The following SCN7A variants were observed in gnomAD, a reference collection of about 807,000 sequenced individuals.
The protein encoded by SCN7A is sodium channel protein type 7 subunit alpha.
In SCN7A, 138 loss-of-function variants were observed where a neutral mutation model predicts 155.2. The observed-to-expected ratio is 0.89, with a 90% confidence interval of 0.77 to 1.02. The LOEUF (loss-of-function observed/expected upper bound fraction) is 1.02, where lower values mean the gene tolerates loss of function less well. SCN7A is among the 50% of genes least tolerant of loss of function. The pLI is 0.00. For missense variants in SCN7A, 2,058 were observed against 1,986.6 expected (o/e 1.04, Z -0.68); for synonymous variants, 693 against 649.0 (o/e 1.07, Z -1.03).
chr2:166,490,312 A>C (rs1575073251), intron 1 of SCN7A, among the ~76,000 whole-genome samples: 2 of 151,954 alleles, frequency 1.3e-5, no homozygotes, highest in African/African-American at 2.4e-5. Context: ...ACCTCCAAAA[A>C]TTTGTCTTTC....
chr2:166,441,594 A>G lies in SCN7A; in HGVS notation c.1959T>C (p.Tyr653=). Residue 653 remains tyrosine (Y), a synonymous_variant, in exon 15 of 26, where the codon TAT becomes TAC. Coordinates refer to ENST00000643258, the MANE Select transcript of SCN7A (RefSeq NM_002976.4). ...TGTCTATGTGGCAGACAAATTCTTC[A>G]TAATTCTTACCAAACAGCTTCATGC... The part of the protein sequence containing the change: ...AFGMKLFGKN[Y]EEFVCHIDKD... 1.2e-6 allele frequency: 2 copies of G among 1,613,982 alleles called. No homozygotes were observed. The highest frequency in any genetic ancestry group is 1.7e-6 in the Non-Finnish European group (2 of 1,179,886).
In SCN7A at chr2:166,432,497, G is replaced by A. The variant is rs761616505; in HGVS notation, c.2413C>T (p.Leu805Phe). The A allele has an allele frequency of 6.2e-7, 1 of 1,613,482 alleles. No individual in the cohort carries two copies. The highest frequency in any genetic ancestry group is 2.2e-5 in the East Asian group (1 of 44,858). The change falls in exon 16 of 26, where the codon CTC becomes TTC. Residue 805 changes from leucine to phenylalanine, a missense_variant. Leu to Phe is a conservative substitution (Grantham distance 22). Transcript: ENST00000643258. ...CCACTGCTTTTTTCCTTATCTTTGA[G>A]AAAATCTTGGGTGTTGCTCAATTCA... ...LSELSNTQDF[L>F]KDKEKSSGTE...
chr2:166,419,239 G>A (rs1701456573), intron 20 of SCN7A, among the ~76,000 whole-genome samples: 1 of 151,758 alleles, frequency 6.6e-6, no homozygotes, highest in Admixed American at 6.6e-5. Context: ...TATTTACTTA[G>A]GGGGGTGTGT....
chr2:166,448,732 A>G (rs1030860601), intron 11 of SCN7A, among the ~76,000 whole-genome samples: 9 of 152,234 alleles, frequency 5.9e-5, no homozygotes, highest in Admixed American at 4.6e-4. Flanking sequence ...TATGATCCAT[A>G]TTTGACAAGT....
chr2:166,480,379 G>A (rs1253702219), intron 2 of SCN7A, among the ~76,000 whole-genome samples: 2 of 151,552 alleles, frequency 1.3e-5, no homozygotes, highest in South Asian at 2.1e-4. Context: ...AATGGCATGA[G>A]CCCGGGAGGC....
At position 166,436,842 on chromosome 2, in the gene SCN7A, T is replaced by G. The variant is rs1366275152; in HGVS notation, c.2158-4090A>C. 2.6e-5 allele frequency among the ~76,000 whole-genome samples: 4 copies of G among 152,182 alleles called. No homozygotes were observed. The East Asian group carries it at 7.7e-4, about 29-fold the overall frequency. On this transcript the variant is annotated intron_variant, in intron 15 of 25. Transcript: ENST00000643258. The stretch of plus-strand genomic sequence containing the variant: ...AAAGAGACTGGTGGCTTTCTGCCCT[T>G]TCCCTAGAGATCTGTGGAACTTTGA...
chr2:166,480,913 G>A (rs1253749773), intron 2 of SCN7A, among the ~76,000 whole-genome samples: 3 of 152,112 alleles, frequency 2.0e-5, no homozygotes, highest in Admixed American at 6.6e-5. Flanking sequence ...AAGGAAAAAT[G>A]AAGTAAAATA....
At position 166,414,120 on chromosome 2, in the gene SCN7A, TA is replaced by T. The variant is rs1701280125; in HGVS notation, c.3415-1000del. On this transcript the variant is annotated intron_variant, in intron 21 of 25. Transcript: ENST00000643258. ...ATAATATATTATATATAAATATATA[TA>T]ATATATTATATATATGTAAATATAT... 2.3e-5 allele frequency among the ~76,000 whole-genome samples: 2 copies of T among 86,402 alleles called. 1 individual carries two copies. The highest frequency in any genetic ancestry group is 1.1e-4 in the African/African-American group (2 of 18,422). The allele number at this position is 86,402 out of a possible 152,430, so 56.7% of individuals were successfully genotyped here.
rs374260308 is a variant in SCN7A, at chr2:166,406,296, T to C, written c.4333A>G (p.Asn1445Asp). The change falls in exon 26 of 26, where the codon AAC becomes GAC. Residue 1445 changes from asparagine (N) to aspartate (D), a missense_variant. Transcript: ENST00000643258. ...GWDGMLDAIF[N>D]SKWSDCDPDK... ...GGATCACAGTCAGACCATTTACTGT[T>C]GAAAATTGCATCAAGCATCCCATCC... The C allele has an allele frequency of 3.7e-6, 6 of 1,613,134 alleles. No homozygotes were observed. The highest frequency in any genetic ancestry group is 5.1e-6 in the Non-Finnish European group (6 of 1,179,422).
chr2:166,438,875 A>G (rs2105427328), intron 15 of SCN7A, among the ~76,000 whole-genome samples: 1 of 151,840 alleles, frequency 6.6e-6, no homozygotes, highest in East Asian at 1.9e-4. Context: ...TTATCCTAGA[A>G]TCCCTCTGCA....
intron 20 of SCN7A, among the ~76,000 whole-genome samples, chr2:166,419,994 G>A (rs922214669): frequency 6.6e-5 from 10 of 151,962 alleles, no homozygotes; most frequent in Non-Finnish European, 1.3e-4. Flanking sequence ...ATGAGTCAAC[G>A]ATACATTTGT....
chr2:166,411,536 A>G (rs1321533751), intron 23 of SCN7A, among the ~76,000 whole-genome samples: 5 of 152,062 alleles, frequency 3.3e-5, no homozygotes, highest in Admixed American at 3.3e-4. Flanking sequence ...GCAAGAAAAA[A>G]AAACATATGC....
intron 11 of SCN7A, among the ~76,000 whole-genome samples, chr2:166,448,358 G>A (rs1267301014): frequency 2.0e-5 from 3 of 152,040 alleles, no homozygotes; most frequent in Non-Finnish European, 4.4e-5. Flanking sequence ...TGTGTCCATT[G>A]ATAGACACTT....
At chr2:166,411,873 TA>T (rs1364261937) in intron 23 of SCN7A, among the ~76,000 whole-genome samples, 1 of 152,058 alleles carries the variant, frequency 6.6e-6, no homozygotes, top group Non-Finnish European at 1.5e-5. Context: ...AAAATTAAAC[TA>T]TTCTTTCCTT....
chr2:166,474,818 T>C (rs1275917725), intron 3 of SCN7A, among the ~76,000 whole-genome samples: 4 of 151,606 alleles, frequency 2.6e-5, no homozygotes, highest in Admixed American at 6.6e-5. Flanking sequence ...TTCTTAACAA[T>C]TGTCTATGAA....
intron 21 of SCN7A, among the ~76,000 whole-genome samples, chr2:166,414,269 C>CAT (rs1349269815): frequency 7.8e-5 from 2 of 25,714 alleles, no homozygotes; most frequent in African/African-American, 1.5e-4. Flanking sequence ...TATATACACA[C>CAT]ACATATATAT....
Position 166,465,943 on chromosome 2 carries a change from G to A in SCN7A, c.709C>T (p.Leu237Phe). The change falls in exon 8 of 26, where the codon CTT becomes TTT. Residue 237 changes from leucine (L) to phenylalanine (F), a missense_variant. Physicochemically the swap from Leu to Phe is conservative, Grantham distance 22. Transcript: ENST00000643258. ...AGAGTTAGGATAATGACACCAATAA[G>A]CTGCTTCAAGCAGTGGATCAGGACC... ...VGVLIHCLKQLIGVIILTLFF... is the reference protein window; with the variant it reads ...VGVLIHCLKQFIGVIILTLFF... 6.2e-7 allele frequency: 1 copy of A among 1,613,440 alleles called. No homozygotes were observed. Among genetic ancestry groups the A allele is most frequent in the African/African-American group, 1.3e-5 (1 of 75,028 alleles).
chr2:166,437,120 A>C (rs1701855865), intron 15 of SCN7A, among the ~76,000 whole-genome samples: 1 of 152,242 alleles, frequency 6.6e-6, no homozygotes, highest in South Asian at 2.1e-4. Context: ...AGCCCCTCTC[A>C]TAACAGGGCA....
At chr2:166,448,276 A>G (rs570669422) in intron 11 of SCN7A, among the ~76,000 whole-genome samples, 13 of 152,294 alleles carry the variant, frequency 8.5e-5, no homozygotes, top group Non-Finnish European at 1.5e-4. Context: ...TGTTGCTGCA[A>G]ATGACAAGAC....
Sources: allele counts gnomAD v4.1 joint callset (sites outside exome capture counted in the v4.1 genomes callset), GRCh38; gene constraint gnomAD v4.1.1; transcripts MANE v1.5; gene names NCBI Gene and HGNC (gene_info 2026-07-23, HGNC 2026-07-21).